The following SRP72 variants were observed in gnomAD, a reference collection of about 807,000 sequenced individuals.
SRP72 encodes signal recognition particle subunit SRP72.
Under a neutral mutation model 96.3 loss-of-function variants are expected in SRP72, and 49 were observed. The ratio of observed to expected loss-of-function variants is 0.51; its 90% CI spans 0.40 to 0.65. The LOEUF is 0.65. Among genes scored for constraint, SRP72 ranks in the 30% least tolerant of loss-of-function variants. SRP72 has a pLI of 0.00. For missense variants in SRP72, 736 were observed against 793.3 expected, an observed-to-expected ratio of 0.93 and a Z score of 0.87; for synonymous variants, 267 against 275.2, an observed-to-expected ratio of 0.97 and a Z score of 0.30.
At chr4:56,493,572 G>C (rs1720981223) in intron 16 of SRP72, among the ~76,000 whole-genome samples, 1 of 151,926 alleles carries the variant, frequency 6.6e-6, no homozygotes, top group Non-Finnish European at 1.5e-5. Flanking sequence ...GCTCTCAAAA[G>C]AACTTGAGCC....
chr4:56,471,646 G>C lies in SRP72; in HGVS notation c.231-74G>C, dbSNP rs1173993507. On this transcript the variant is annotated intron_variant, in intron 2 of 18. Coordinates refer to ENST00000642900, the MANE Select transcript of SRP72 (RefSeq NM_006947.4). ...TTATCAGGACTAAATCCAGTGTTTA[G>C]AGTGGTGTTGTATATAATGGGTGCA... 3.3e-6 allele frequency: 5 copies of C among 1,536,252 alleles called. No individual in the cohort carries two copies. In the East Asian group the frequency reaches 6.9e-5, roughly 21 times the overall value.
intron 10 of SRP72, among the ~76,000 whole-genome samples, chr4:56,485,308 A>G (rs1244783001): frequency 2.6e-5 from 4 of 151,166 alleles, no homozygotes; most frequent in Non-Finnish European, 5.9e-5. Flanking sequence ...TACATTGGAA[A>G]GTTGGACAGG....
intron 6 of SRP72, 58 bp downstream of exon 6, chr4:56,476,760 T>G (rs1213693976): frequency 6.4e-7 from 1 of 1,552,950 alleles, no homozygotes; most frequent in Non-Finnish European, 8.8e-7. Context: ...GATAGATTAC[T>G]GAGGCTTCAT....
intron 8 of SRP72, among the ~76,000 whole-genome samples, chr4:56,480,336 T>C (rs1204074883): frequency 6.6e-6 from 1 of 152,208 alleles, no homozygotes; most frequent in Non-Finnish European, 1.5e-5. Flanking sequence ...CTCGGCTTAC[T>C]GCAGCCTCCA....
intron 3 of SRP72, among the ~76,000 whole-genome samples, chr4:56,473,630 T>G (rs763498741): frequency 2.3e-4 from 33 of 146,460 alleles, no homozygotes; most frequent in Non-Finnish European, 4.0e-4. Flanking sequence ...CCAGGCATGG[T>G]GGCGCACGTC....
At position 56,502,484 on chromosome 4, in the gene SRP72, TATATATATATAC is replaced by T. The variant is rs1251923390; in HGVS notation, c.*635_*646del. ...TCATGTTTATATATATATATATATG[TATATATATATAC>T]ATATATATATATATATAAACATGAA... On this transcript the variant is annotated 3_prime_UTR_variant, in exon 19 of 19. Transcript: ENST00000642900. The T allele has an allele frequency of 2.0e-5, 2 of 100,706 alleles. No homozygotes were observed. Among genetic ancestry groups the T allele is most frequent in the African/African-American group, 4.5e-5 (1 of 22,100 alleles). The allele number at this position is 100,706 out of a possible 1,614,324, so 6.2% of individuals were successfully genotyped here.
intron 10 of SRP72, among the ~76,000 whole-genome samples, chr4:56,485,578 A>G (rs1015378695): frequency 1.3e-5 from 2 of 152,122 alleles, no homozygotes; most frequent in Non-Finnish European, 2.9e-5. Flanking sequence ...AATCAGGCAG[A>G]TCATCTGAGG....
At chr4:56,486,818 T>C (rs568127598) in intron 11 of SRP72, among the ~76,000 whole-genome samples, 126 of 152,172 alleles carry the variant, frequency 8.3e-4, no homozygotes, top group Non-Finnish European at 1.7e-3. Flanking sequence ...CTTTGCCACC[T>C]ATGTCTTTGG....
intron 16 of SRP72, 115 bp from the exon 17 acceptor site, chr4:56,495,242 C>A: frequency 1.9e-6 from 1 of 538,906 alleles, no homozygotes; most frequent in Non-Finnish European, 3.1e-6. Context: ...AAGCTGATAC[C>A]AAGTCTTAAA....
chr4:56,483,114 TGATA>T (rs748551285), intron 8 of SRP72, 21 bp from the exon 9 acceptor site: 11 of 1,598,884 alleles, frequency 6.9e-6, no homozygotes, highest in Non-Finnish European at 8.5e-6. Context: ...ATTCTGTTAA[TGATA>T]GATAAACTTT....
intron 17 of SRP72, among the ~76,000 whole-genome samples, chr4:56,500,156 T>C (rs1721211398): frequency 6.6e-6 from 1 of 151,460 alleles, no homozygotes; most frequent in Non-Finnish European, 1.5e-5. Flanking sequence ...TAAGTGGGAG[T>C]TGAACAATGA....
chr4:56,490,753 A>G, intron 15 of SRP72, 108 bp downstream of exon 15: 1 of 949,954 alleles, frequency 1.1e-6, no homozygotes, highest in Admixed American at 3.0e-5. Context: ...CAACTAACAA[A>G]TCCTCCTTTT....
chr4:56,467,660 G>T lies in SRP72; in HGVS notation c.25G>T (p.Val9Leu), dbSNP rs571949209. The change falls in exon 1 of 19, where the codon GTG becomes TTG. Residue 9 changes from valine to leucine, a missense_variant. Around this residue, in one of 3 missense-constraint regions of SRP72, gnomAD observed 329 missense variants for 319.0 expected, o/e 1.03. Coordinates refer to ENST00000642900, the MANE Select transcript of SRP72 (RefSeq NM_006947.4). ...GATGGCGAGCGGCGGCAGCGGGGGGGTGTCAGTACCTGCGCTGTGGAGTGA... is the reference window on the plus strand; with the variant it reads ...GATGGCGAGCGGCGGCAGCGGGGGGTTGTCAGTACCTGCGCTGTGGAGTGA... Reference protein sequence around the residue: MASGGSGGVSVPALWSEVN... With the variant: MASGGSGGLSVPALWSEVN... 6 of 1,560,210 alleles carry T rather than the reference G, an allele frequency of 3.8e-6. No homozygotes were observed. The East Asian group carries it at 7.6e-5, about 20-fold the overall frequency.
intron 16 of SRP72, among the ~76,000 whole-genome samples, chr4:56,491,864 A>G (rs77195927): frequency 1.3e-5 from 2 of 148,996 alleles, no homozygotes; most frequent in Non-Finnish European, 3.0e-5. Flanking sequence ...TTTTTTTTTT[A>G]TTTGTTTGTT....
chr4:56,488,764 C>T (rs1033465598), intron 12 of SRP72, among the ~76,000 whole-genome samples: 3 of 152,094 alleles, frequency 2.0e-5, no homozygotes, highest in African/African-American at 4.8e-5. Flanking sequence ...TCTATAGAAC[C>T]TCTCTCATTC....
chr4:56,495,299 T>G (rs1721037772), intron 16 of SRP72, 58 bp from the exon 17 acceptor site: 1 of 1,229,766 alleles, frequency 8.1e-7, no homozygotes, highest in Non-Finnish European at 1.1e-6. Flanking sequence ...AGCACTTACT[T>G]AATGCTCTAT....
At chr4:56,477,936 G>A (rs987149070) in intron 6 of SRP72, among the ~76,000 whole-genome samples, 26 of 152,124 alleles carry the variant, frequency 1.7e-4, no homozygotes, top group Non-Finnish European at 3.4e-4. Flanking sequence ...AGTTTTTGAG[G>A]TAGAGTTATG....
rs387907189 is a variant in SRP72 at position 56,476,680 on chromosome 4, G to A, written c.620G>A (p.Arg207His). ...KILQKAEDLCRRSLSEDTDGT... is the reference protein window; with the variant it reads ...KILQKAEDLCHRSLSEDTDGT... ...AATTTTTCTCCTGTAGATCTTTGCC[G>A]CCGTTCATTATCAGAAGACACTGTA... Residue 207 changes from arginine to histidine, a missense_variant, in exon 6 of 19, where the codon CGC (arginine) becomes CAC (histidine). By Grantham distance (29) the Arg-to-His change is conservative. Around this residue, in one of 3 missense-constraint regions of SRP72, gnomAD observed 329 missense variants for 319.0 expected, o/e 1.03. Transcript: ENST00000642900. 38 of 1,612,054 alleles carry A rather than the reference G, an allele frequency of 2.4e-5. No homozygotes were observed. Among genetic ancestry groups the A allele is most frequent in the African/African-American group, 6.7e-5 (5 of 74,958 alleles).
intron 1 of SRP72, among the ~76,000 whole-genome samples, chr4:56,468,974 T>G (rs1719858610): frequency 6.6e-6 from 1 of 152,208 alleles, no homozygotes; most frequent in African/African-American, 2.4e-5. Context: ...ACCGAACAGT[T>G]GTTAGCGTTG....
Sources: allele counts gnomAD v4.1 joint callset (sites outside exome capture counted in the v4.1 genomes callset), GRCh38; gene constraint gnomAD v4.1.1; regional missense constraint gnomAD v4.1.1; transcripts MANE v1.5; gene names NCBI Gene and HGNC (gene_info 2026-07-23, HGNC 2026-07-21).